The following SNED1 variants were observed in gnomAD, a reference collection of about 807,000 sequenced individuals.
SNED1 encodes the protein sushi, nidogen and EGF-like domain-containing protein 1.
SNED1 carries 81 observed loss-of-function variants against 166.7 expected under a neutral mutation model. That is an observed-to-expected ratio of 0.49 (90% CI 0.41 to 0.58). The LOEUF (loss-of-function observed/expected upper bound fraction) is 0.58, where lower values mean the gene tolerates loss of function less well. Ranked by LOEUF, SNED1 falls within the 20% of genes least tolerant of loss-of-function variation. SNED1 has a pLI of 0.00. For synonymous variants in SNED1, 762 were observed against 822.0 expected, an observed-to-expected ratio of 0.93 and a Z score of 1.25; for missense variants, 1,604 against 2,000.2, an observed-to-expected ratio of 0.80 and a Z score of 3.78.
intron 29 of SNED1, among the ~76,000 whole-genome samples, chr2:241,085,901 C>T (rs966136095): frequency 1.6e-5 from 2 of 121,776 alleles, no homozygotes; most frequent in Non-Finnish European, 3.2e-5. Flanking sequence ...GTGTCTTGCT[C>T]TGTCGCCCAG....
intron 2 of SNED1, 45 bp from the exon 3 acceptor site, chr2:241,033,690 G>A (rs2061255685): frequency 6.3e-7 from 1 of 1,582,370 alleles, no homozygotes; most frequent in Admixed American, 1.7e-5. Context: ...GCTTCCCTGG[G>A]CCAAGGGGAG....
intron 2 of SNED1, among the ~76,000 whole-genome samples, chr2:241,032,822 T>C (rs1057294086): frequency 1.3e-5 from 2 of 152,226 alleles, no homozygotes. Flanking sequence ...TGTCTCTTCA[T>C]ACCCTCTGAC....
At chr2:241,046,143 A>T (rs2061640907) in intron 8 of SNED1, among the ~76,000 whole-genome samples, 1 of 152,098 alleles carries the variant, frequency 6.6e-6, no homozygotes, top group South Asian at 2.1e-4. Context: ...TAGAATGCCT[A>T]AAAAAAATAA....
intron 1 of SNED1, among the ~76,000 whole-genome samples, chr2:241,002,701 A>C (rs2060112033): frequency 6.6e-6 from 1 of 152,112 alleles, no homozygotes; most frequent in South Asian, 2.1e-4. Flanking sequence ...TGCCCAGTGC[A>C]GATGAGGAAA....
intron 16 of SNED1, among the ~76,000 whole-genome samples, chr2:241,058,125 A>T (rs184617267): frequency 6.6e-6 from 1 of 152,358 alleles, no homozygotes; most frequent in East Asian, 1.9e-4. Context: ...TATACAAATC[A>T]AAGCTGGCGT....
At chr2:241,027,041 C>T (rs2060990448) in intron 1 of SNED1, among the ~76,000 whole-genome samples, 1 of 151,246 alleles carries the variant, frequency 6.6e-6, no homozygotes, top group African/African-American at 2.4e-5. Context: ...AGCATAGTGT[C>T]TTTAAGGTTC....
In SNED1 at chr2:241,063,700, G is replaced by A; in HGVS notation, c.2485G>A (p.Glu829Lys). 1 of 1,592,494 alleles carries A rather than the reference G, an allele frequency of 6.3e-7. No homozygotes were observed. Among genetic ancestry groups the A allele is most frequent in the Non-Finnish European group, 8.6e-7 (1 of 1,164,146 alleles). Residue 829 changes from glutamate to lysine, a missense_variant and splice_region_variant, in exon 18 of 32, where the codon GAG becomes AAG. Physicochemically the swap from Glu to Lys is moderately conservative, Grantham distance 56 (BLOSUM62 1). Coordinates refer to ENST00000310397, the MANE Select transcript of SNED1 (RefSeq NM_001080437.3). ...CTTCGTTGGAGTCCACTGTGAGACA[G>A]GTAGGGGCTCCCTCCAGTGGGCCCC... ...AGFVGVHCET[E>K]VDACDSSPCQ...
Position 241,064,086 on chromosome 2 carries a change from G to C in SNED1, c.2560G>C (p.Val854Leu), listed in dbSNP as rs1180375720. ...CESGGGAYLC[V>L]CPESFFGYHC... ...GAGCGGCGGCGGGGCCTACCTGTGC[G>C]TCTGCCCAGAGAGCTTCTTCGGCTA... is the stretch of plus-strand genomic sequence containing the variant. The change falls in exon 19 of 32, where the codon GTC becomes CTC. Residue 854 changes from valine to leucine, a missense_variant. Transcript: ENST00000310397. This position sits in a 1 kb window ranked among gnomAD's most constrained non-coding sequence, Gnocchi z 7.0. The C allele has an allele frequency of 6.4e-7, 1 of 1,569,502 alleles. No individual in the cohort carries two copies. Among genetic ancestry groups the C allele is most frequent in the Non-Finnish European group, 8.6e-7 (1 of 1,158,778 alleles).
At chr2:241,053,466 C>A (rs1406120668) in intron 16 of SNED1, 140 bp downstream of exon 16, 7 of 851,010 alleles carry the variant, frequency 8.2e-6, no homozygotes, top group Non-Finnish European at 1.2e-5. Flanking sequence ...CCCTCAGTCT[C>A]CTGTCTGTGA....
In SNED1 at chr2:241,094,686, C is replaced by T; in HGVS notation, c.*3050C>T. Reference sequence around the variant, plus strand: ...TCAGGCTCAGCACTGACATTCTGGGCCGGATCATCCTCTCTTGTGGGACCA... The same window carrying T: ...TCAGGCTCAGCACTGACATTCTGGGTCGGATCATCCTCTCTTGTGGGACCA... On this transcript the variant is annotated 3_prime_UTR_variant, in exon 32 of 32. Coordinates refer to ENST00000310397, the MANE Select transcript of SNED1 (RefSeq NM_001080437.3). This position sits in a 1 kb window ranked among gnomAD's most constrained non-coding sequence, Gnocchi z 4.3. The T allele has an allele frequency of 3.2e-6, 1 of 308,518 alleles. No individual in the cohort carries two copies. Among genetic ancestry groups the T allele is most frequent in the East Asian group, 9.5e-5 (1 of 10,564 alleles). The allele number at this position is 308,518 out of a possible 1,614,324, so 19.1% of individuals were successfully genotyped here. A position where few individuals can be genotyped will look rare whatever the true frequency, so the allele number is the denominator to read the frequency against.
chr2:241,058,534 A>G (rs2062132806), intron 16 of SNED1, among the ~76,000 whole-genome samples: 2 of 152,254 alleles, frequency 1.3e-5, no homozygotes, highest in Admixed American at 6.5e-5. Flanking sequence ...TTTAGTGGAT[A>G]TAGATTACAA....
intron 29 of SNED1, among the ~76,000 whole-genome samples, chr2:241,085,017 T>C (rs1332372543): frequency 2.0e-5 from 3 of 152,136 alleles, no homozygotes; most frequent in Non-Finnish European, 4.4e-5. Context: ...TTACACTGTA[T>C]GGAATGTGTC....
At position 241,048,302 on chromosome 2, in the gene SNED1, G is replaced by T. The variant is rs751457306; in HGVS notation, c.1274-13G>T. 3 of 1,587,642 alleles carry T rather than the reference G, an allele frequency of 1.9e-6. No individual in the cohort carries two copies. The highest frequency in any genetic ancestry group is 2.6e-6 in the Non-Finnish European group (3 of 1,169,728). ...CCCTGCGTGGCCGCTGGTGACTGCC[G>T]TCTTTCTTGCAGGAGACCATCCAGT... On this transcript the variant is annotated splice_polypyrimidine_tract_variant and intron_variant, in intron 8 of 31. Coordinates refer to ENST00000310397, the MANE Select transcript of SNED1 (RefSeq NM_001080437.3).
At chr2:241,016,815 C>T (rs1435977349) in intron 1 of SNED1, among the ~76,000 whole-genome samples, 2 of 150,256 alleles carry the variant, frequency 1.3e-5, no homozygotes, top group Admixed American at 6.6e-5. Flanking sequence ...TTTCTATTTC[C>T]ACTTACATTT....
chr2:241,001,736 T>C (rs1266331318), intron 1 of SNED1, among the ~76,000 whole-genome samples: 2 of 152,146 alleles, frequency 1.3e-5, no homozygotes, highest in African/African-American at 2.4e-5. Context: ...CCCCCTACAC[T>C]GAAGCTCCTG....
chr2:241,058,708 T>TATAA (rs1206459483), intron 16 of SNED1, among the ~76,000 whole-genome samples: 4 of 152,214 alleles, frequency 2.6e-5, no homozygotes, highest in Non-Finnish European at 4.4e-5. Flanking sequence ...CGCAGCACTT[T>TATAA]AGGAGGCCGA....
At chr2:241,008,933 C>T (rs1486653603) in intron 1 of SNED1, among the ~76,000 whole-genome samples, 1 of 152,240 alleles carries the variant, frequency 6.6e-6, no homozygotes, top group African/African-American at 2.4e-5. Flanking sequence ...CTCTTGGGCC[C>T]TCAAACCCAT....
Position 241,061,936 on chromosome 2 carries a change from G to T in SNED1, c.2258-855G>T, listed in dbSNP as rs533959076. ...AAAGACCCAGCCAGTGAGAATGGGT[G>T]AAGTATGATATAACCACACTGTGTA... is the stretch of plus-strand genomic sequence containing the variant. On this transcript the variant is annotated intron_variant, in intron 16 of 31. Coordinates refer to ENST00000310397, the MANE Select transcript of SNED1 (RefSeq NM_001080437.3). Among the ~76,000 whole-genome samples the T allele has an allele frequency of 3.3e-5, 5 of 152,176 alleles. No homozygotes were observed. In the South Asian group the frequency reaches 1.0e-3, roughly 32 times the overall value.
At chr2:241,052,273 G>A (rs1243368823) in intron 14 of SNED1, 82 bp from the exon 15 acceptor site, 5 of 1,429,390 alleles carry the variant, frequency 3.5e-6, no homozygotes, top group Non-Finnish European at 4.9e-6. Flanking sequence ...AGGTGGAGCT[G>A]GGTGCAGGAG....
Sources: gnomAD v4.1 joint callset for allele counts (sites outside exome capture counted in the v4.1 genomes callset) on GRCh38, gnomAD v4.1.1 for gene constraint, Gnocchi (gnomAD v3.1) non-coding constraint, MANE v1.5 for transcripts, NCBI Gene and HGNC (gene_info 2026-07-23, HGNC 2026-07-21) for gene names.